The following RALYL variants were observed in gnomAD, a reference collection of about 807,000 sequenced individuals.
RALYL encodes the protein RALY RNA binding protein like, also known as RNA-binding Raly-like protein.
Under a neutral mutation model 35.1 loss-of-function variants are expected in RALYL, and 29 were observed. That is an observed-to-expected ratio of 0.83 (90% CI 0.61 to 1.13). The LOEUF is 1.13. Among genes scored for constraint, RALYL ranks in the 50% most tolerant of loss-of-function variants. The probability of loss-of-function intolerance (pLI) is 0.00; values close to 1 mark genes in which losing one functional copy is unlikely to be tolerated. For synonymous variants in RALYL, 120 were observed against 127.6 expected, an observed-to-expected ratio of 0.94 and a Z score of 0.40; for missense variants, 359 against 360.4, an observed-to-expected ratio of 1.00 and a Z score of 0.03.
intron 2 of RALYL, among the ~76,000 whole-genome samples, chr8:84,703,216 T>C (rs1018922257): frequency 2.0e-5 from 3 of 151,896 alleles, no homozygotes; most frequent in African/African-American, 7.3e-5. Context: ...ATATGTAAGG[T>C]CCCCAATCCC....
chr8:84,264,111 T>C (rs1321522685), intron 1 of RALYL, among the ~76,000 whole-genome samples: 3 of 152,220 alleles, frequency 2.0e-5, no homozygotes, highest in Non-Finnish European at 4.4e-5. Flanking sequence ...ATGATTTATA[T>C]TCCTTTGGGT....
At chr8:84,912,808 A>G (rs550119552) in intron 8 of RALYL, among the ~76,000 whole-genome samples, 2 of 152,102 alleles carry the variant, frequency 1.3e-5, no homozygotes, top group Admixed American at 6.6e-5. Context: ...ATTTAATGTG[A>G]CCCTCAGGTA....
intron 2 of RALYL, among the ~76,000 whole-genome samples, chr8:84,753,319 C>T (rs1180435632): frequency 2.0e-5 from 3 of 152,138 alleles, no homozygotes; most frequent in African/African-American, 4.8e-5. Flanking sequence ...CTTTATTTTA[C>T]AGGCTCATAG....
At chr8:84,369,027 T>A (rs1335406078) in intron 1 of RALYL, among the ~76,000 whole-genome samples, 1 of 152,156 alleles carries the variant, frequency 6.6e-6, no homozygotes, top group Non-Finnish European at 1.5e-5. Context: ...GTTTTAGGCT[T>A]GAGCTATATG....
intron 1 of RALYL, among the ~76,000 whole-genome samples, chr8:84,247,285 G>A (rs1295015373): frequency 6.6e-6 from 1 of 152,064 alleles, no homozygotes; most frequent in Non-Finnish European, 1.5e-5. Context: ...GCATTTATTG[G>A]ACCATTAGGT....
chr8:84,368,601 G>T (rs1349191740), intron 1 of RALYL, among the ~76,000 whole-genome samples: 4 of 152,142 alleles, frequency 2.6e-5, no homozygotes, highest in Non-Finnish European at 5.9e-5. Context: ...AAGGTGAAAG[G>T]CACGTCTCAC....
intron 1 of RALYL, among the ~76,000 whole-genome samples, chr8:84,425,783 CTGTGTGTGTGTGTGTGTGTGTG>C (rs1554662152): frequency 6.9e-6 from 1 of 144,508 alleles, no homozygotes; most frequent in Non-Finnish European, 1.5e-5. Context: ...AGTTTTTCTT[CTGTGTGTGTGTGTGTGTGTGTG>C]TGTGTGTGTG....
intron 2 of RALYL, among the ~76,000 whole-genome samples, chr8:84,547,417 G>A (rs2135373879): frequency 6.6e-6 from 1 of 151,166 alleles, no homozygotes; most frequent in South Asian, 2.1e-4. Context: ...TCGCTCTGTG[G>A]CCAGGCTGGA....
chr8:84,332,266 A>G (rs1432484276), intron 1 of RALYL, among the ~76,000 whole-genome samples: 2 of 152,128 alleles, frequency 1.3e-5, no homozygotes, highest in Non-Finnish European at 2.9e-5. Flanking sequence ...TGCCTCTCAC[A>G]TTACCTTTCT....
At position 84,299,374 on chromosome 8, in the gene RALYL, AT is replaced by A. The variant is rs1840348264; in HGVS notation, c.-24+114954del. 3.9e-5 allele frequency among the ~76,000 whole-genome samples: 6 copies of A among 151,916 alleles called. No individual in the cohort carries two copies. The South Asian group carries it at 1.0e-3, about 26-fold the overall frequency. On this transcript the variant is annotated intron_variant, in intron 1 of 8. Coordinates refer to ENST00000521268, the MANE Select transcript of RALYL (RefSeq NM_173848.7). ...GTGCTGCTGGATTCAGTTTGCCAGT[AT>A]TTTGTTGAAAATTTTTGCATCTTTG...
intron 1 of RALYL, among the ~76,000 whole-genome samples, chr8:84,511,867 A>G (rs371105971): frequency 6.6e-6 from 1 of 152,320 alleles, no homozygotes; most frequent in East Asian, 1.9e-4. Context: ...GTGCAAATGC[A>G]AGATGTCATC....
chr8:84,782,028 C>CGT (rs1818293085), intron 3 of RALYL, among the ~76,000 whole-genome samples: 1 of 121,964 alleles, frequency 8.2e-6, no homozygotes, highest in Non-Finnish European at 1.8e-5. Context: ...TGTGCACACG[C>CGT]GCGCACACAC....
At chr8:84,896,363 G>A (rs1844742982) in intron 8 of RALYL, among the ~76,000 whole-genome samples, 1 of 152,146 alleles carries the variant, frequency 6.6e-6, no homozygotes, top group Admixed American at 6.6e-5. Flanking sequence ...GCAGCTACAT[G>A]AGCTAATGAC....
intron 1 of RALYL, among the ~76,000 whole-genome samples, chr8:84,410,190 C>T (rs538699168): frequency 1.3e-5 from 2 of 151,938 alleles, no homozygotes; most frequent in South Asian, 4.1e-4. Flanking sequence ...TGTATATATG[C>T]TTTCTTTTTT....
intron 8 of RALYL, among the ~76,000 whole-genome samples, chr8:84,897,075 G>A (rs1346800446): frequency 6.6e-6 from 1 of 152,062 alleles, no homozygotes; most frequent in African/African-American, 2.4e-5. Flanking sequence ...TTGAATACTG[G>A]CCTTGAACAA....
chr8:84,587,347 T>A (rs1812249277), intron 2 of RALYL, among the ~76,000 whole-genome samples: 1 of 152,198 alleles, frequency 6.6e-6, no homozygotes. Flanking sequence ...TTTACAATGA[T>A]CATATTGAGT....
chr8:84,208,105 A>G lies in RALYL; in HGVS notation c.-24+23681A>G, dbSNP rs921722772. Among the ~76,000 whole-genome samples, 9 of 152,210 alleles carry G rather than the reference A, an allele frequency of 5.9e-5. No individual in the cohort carries two copies. The South Asian group carries it at 1.9e-3, about 32-fold the overall frequency. On this transcript the variant is annotated intron_variant, in intron 1 of 8. Coordinates refer to ENST00000521268, the MANE Select transcript of RALYL (RefSeq NM_173848.7). ...TCTGTCAAAAATTTGAGTTTTCTTC[A>G]TGGGCTGTTTGGTACACATATCGGA...
intron 2 of RALYL, among the ~76,000 whole-genome samples, chr8:84,542,772 C>T (rs1033430406): frequency 1.3e-4 from 20 of 152,112 alleles, no homozygotes; most frequent in African/African-American, 4.6e-4. Flanking sequence ...TACATTATCT[C>T]ACTGAATATA....
chr8:84,184,862 TG>T (rs1812093919), intron 1 of RALYL: 10 of 1,026,130 alleles, frequency 9.7e-6, no homozygotes, highest in South Asian at 2.6e-5. Context: ...ACCCGGGAGA[TG>T]GGGGTAGAAG....
Sources: allele counts gnomAD v4.1 joint callset (sites outside exome capture counted in the v4.1 genomes callset), GRCh38; gene constraint gnomAD v4.1.1; transcripts MANE v1.5; gene names NCBI Gene and HGNC (gene_info 2026-07-23, HGNC 2026-07-21).